FAM168B: variants seen among roughly 807,000 people sequenced by gnomAD.
The protein encoded by FAM168B is myelin-associated neurite-outgrowth inhibitor.
Under a neutral mutation model 21.8 loss-of-function variants are expected in FAM168B, and 19 were observed. The ratio of observed to expected loss-of-function variants is 0.87; its 90% CI spans 0.61 to 1.28. FAM168B has a LOEUF of 1.28. Ranked by LOEUF, FAM168B falls within the 50% of genes most tolerant of loss-of-function variation. The pLI is 0.00. For missense variants in FAM168B, 233 were observed against 263.1 expected (o/e 0.89, Z 0.79); for synonymous variants, 126 against 104.8 (o/e 1.20, Z -1.24).
In FAM168B at chr2:131,048,514, T is replaced by C. The variant is rs897726349; in HGVS notation, c.*3951A>G. The C allele has an allele frequency of 1.8e-6, 2 of 1,105,732 alleles. No homozygotes were observed. Among genetic ancestry groups the C allele is most frequent in the Non-Finnish European group, 2.2e-6 (2 of 888,936 alleles). 68.5% of individuals were successfully genotyped at this position (1,105,732 alleles called of 1,614,324 possible). A position where few individuals can be genotyped will look rare whatever the true frequency, so the allele number is the denominator to read the frequency against. ...AAGGCTATCCCCACAGGCTCTCTCT[T>C]CTTCAAATAATGAGTAGGAAAAAGA... is the stretch of plus-strand genomic sequence containing the variant. On this transcript the variant is annotated 3_prime_UTR_variant, in exon 7 of 7. Transcript: ENST00000389915.
intron 1 of FAM168B, among the ~76,000 whole-genome samples, chr2:131,089,386 A>G (rs1693890904): frequency 6.6e-6 from 1 of 152,132 alleles, no homozygotes; most frequent in African/African-American, 2.4e-5. Context: ...GATGACAGCA[A>G]AAATTCCTAA....
At chr2:131,080,865 G>A (rs1482487143) in intron 2 of FAM168B, among the ~76,000 whole-genome samples, 2 of 151,554 alleles carry the variant, frequency 1.3e-5, no homozygotes, top group Non-Finnish European at 2.9e-5. Flanking sequence ...GTAGAGACGG[G>A]GTTTCAGTGT....
Position 131,050,404 on chromosome 2 carries a change from C to A in FAM168B, c.*2061G>T. On this transcript the variant is annotated 3_prime_UTR_variant, in exon 7 of 7. Coordinates refer to ENST00000389915, the MANE Select transcript of FAM168B (RefSeq NM_001009993.4). The stretch of plus-strand genomic sequence containing the variant: ...GAACCCCTGGAACCGTTAGAACCTA[C>A]TAATCCTGCCAACCATCCACTAAAC... The A allele has an allele frequency of 1.0e-6, 1 of 985,802 alleles. No homozygotes were observed. The allele number at this position is 985,802 out of a possible 1,614,324, so 61.1% of individuals were successfully genotyped here. A position where few individuals can be genotyped will look rare whatever the true frequency, so the allele number is the denominator to read the frequency against.
Position 131,048,937 on chromosome 2 carries a change from A to T in FAM168B, c.*3528T>A. 1 of 985,930 alleles carries T rather than the reference A, an allele frequency of 1.0e-6. No homozygotes were observed. Among genetic ancestry groups the T allele is most frequent in the Non-Finnish European group, 1.2e-6 (1 of 830,020 alleles). The allele number at this position is 985,930 out of a possible 1,614,324, so 61.1% of individuals were successfully genotyped here. Reference sequence around the variant, plus strand: ...GACACATCCAACAGTCAGCTGTCGGATAAGGTGAAGGTGGCCCAACTGCTC... The same window carrying T: ...GACACATCCAACAGTCAGCTGTCGGTTAAGGTGAAGGTGGCCCAACTGCTC... On this transcript the variant is annotated 3_prime_UTR_variant, in exon 7 of 7. Transcript: ENST00000389915.
intron 3 of FAM168B, among the ~76,000 whole-genome samples, chr2:131,064,087 C>T (rs1360362284): frequency 1.3e-5 from 2 of 152,126 alleles, no homozygotes; most frequent in African/African-American, 2.4e-5. Flanking sequence ...GCAACCCAGG[C>T]GGCGCAGACA....
At chr2:131,066,111 T>C (rs958059999) in intron 3 of FAM168B, among the ~76,000 whole-genome samples, 2 of 151,716 alleles carry the variant, frequency 1.3e-5, no homozygotes, top group African/African-American at 4.8e-5. Flanking sequence ...TACACACCAA[T>C]GACCATGGAA....
rs183382095 is a variant in FAM168B at position 131,090,222 on chromosome 2, G to C, written c.-12+2992C>G. Reference sequence around the variant, plus strand: ...TGTACCCAGCTACTCAGGAGGCTGAGGCTGGAGAATGGCGTGAACCCAGGA... The same window carrying C: ...TGTACCCAGCTACTCAGGAGGCTGACGCTGGAGAATGGCGTGAACCCAGGA... On this transcript the variant is annotated intron_variant, in intron 1 of 6. Coordinates refer to ENST00000389915, the MANE Select transcript of FAM168B (RefSeq NM_001009993.4). Among the ~76,000 whole-genome samples the C allele has an allele frequency of 6.6e-3, 984 of 149,816 alleles. 8 individuals are homozygous for C. The highest frequency in any genetic ancestry group is 9.1e-3 in the Non-Finnish European group (613 of 67,666).
chr2:131,059,765 C>A (rs1692200462), intron 3 of FAM168B, among the ~76,000 whole-genome samples: 1 of 152,124 alleles, frequency 6.6e-6, no homozygotes, highest in African/African-American at 2.4e-5. Context: ...GAAATATGAA[C>A]ACTGATTACA....
rs548383585 is a variant in FAM168B, at chr2:131,081,598, G to C, written c.70+979C>G. On this transcript the variant is annotated intron_variant, in intron 2 of 6. Coordinates refer to ENST00000389915, the MANE Select transcript of FAM168B (RefSeq NM_001009993.4). ...TCCTTATGGGGCCACTGGACGACTA[G>C]ACTGTTTAGTCTATCTCTTTGCTGA... Among the ~76,000 whole-genome samples, 6 of 152,308 alleles carry C rather than the reference G, an allele frequency of 3.9e-5. No homozygotes were observed. The South Asian group carries it at 1.2e-3, about 32-fold the overall frequency.
intron 2 of FAM168B, among the ~76,000 whole-genome samples, chr2:131,075,941 C>A (rs1446102053): frequency 6.6e-6 from 1 of 152,208 alleles, no homozygotes; most frequent in East Asian, 1.9e-4. Context: ...TCCTAGACAG[C>A]CTCTGCTGCT....
chr2:131,048,697 G>C lies in FAM168B; in HGVS notation c.*3768C>G. 10 of 989,196 alleles carry C rather than the reference G, an allele frequency of 1.0e-5. No individual in the cohort carries two copies. Among genetic ancestry groups the C allele is most frequent in the Non-Finnish European group, 1.2e-5 (10 of 832,128 alleles). 61.3% of individuals were successfully genotyped at this position (989,196 alleles called of 1,614,324 possible). ...GAGTCTGCTGCCCTTCAGAAAGCCA[G>C]AGGGAACACTCACAAATGCAGAGGT... On this transcript the variant is annotated 3_prime_UTR_variant, in exon 7 of 7. Coordinates refer to ENST00000389915, the MANE Select transcript of FAM168B (RefSeq NM_001009993.4).
intron 1 of FAM168B, among the ~76,000 whole-genome samples, chr2:131,090,183 C>G (rs1436701407): frequency 1.4e-5 from 2 of 147,258 alleles, no homozygotes; most frequent in Non-Finnish European, 3.0e-5. Flanking sequence ...TATCCAGGCA[C>G]GGTGGCAGGC....
chr2:131,085,970 A>G (rs190659846), intron 1 of FAM168B, among the ~76,000 whole-genome samples: 2 of 152,324 alleles, frequency 1.3e-5, no homozygotes, highest in Admixed American at 6.5e-5. Context: ...ACATGTGGCT[A>G]GTGGTTACTA....
chr2:131,067,725 A>T (rs1425424169), intron 3 of FAM168B, among the ~76,000 whole-genome samples: 3 of 149,126 alleles, frequency 2.0e-5, no homozygotes, highest in Non-Finnish European at 3.0e-5. Context: ...TATCACACTC[A>T]CACACACACA....
In FAM168B at chr2:131,059,325, G is replaced by A. The variant is rs565391936; in HGVS notation, c.155-3630C>T. ...CAGGTGGGGCAAGGATGTCTCAAAT[G>A]AAAGAAACTGTGGGGATGAGGGACG... On this transcript the variant is annotated intron_variant, in intron 3 of 6. Coordinates refer to ENST00000389915, the MANE Select transcript of FAM168B (RefSeq NM_001009993.4). Among the ~76,000 whole-genome samples the A allele has an allele frequency of 5.9e-5, 9 of 152,274 alleles. No homozygotes were observed. In the South Asian group the frequency reaches 1.9e-3, roughly 32 times the overall value.
At position 131,052,339 on chromosome 2, in the gene FAM168B, G is replaced by C. The variant is rs1481910625; in HGVS notation, c.*126C>G. ...GGGCCTGCTGGGCCGGGATATAGTCGTGTTTAGCTAAGTGTCGAGAGCATT... is the reference window on the plus strand; with the variant it reads ...GGGCCTGCTGGGCCGGGATATAGTCCTGTTTAGCTAAGTGTCGAGAGCATT... On this transcript the variant is annotated 3_prime_UTR_variant, in exon 7 of 7. Transcript: ENST00000389915. The C allele has an allele frequency of 2.0e-6, 2 of 986,158 alleles. No homozygotes were observed. Among genetic ancestry groups the C allele is most frequent in the Non-Finnish European group, 2.4e-6 (2 of 830,156 alleles). 61.1% of individuals were successfully genotyped at this position (986,158 alleles called of 1,614,324 possible). A position where few individuals can be genotyped will look rare whatever the true frequency, so the allele number is the denominator to read the frequency against.
At chr2:131,083,526 G>A (rs374919716) in intron 1 of FAM168B, among the ~76,000 whole-genome samples, 2 of 152,172 alleles carry the variant, frequency 1.3e-5, no homozygotes, top group Non-Finnish European at 2.9e-5. Context: ...GGACAACAGA[G>A]CGAGACTTTG....
rs1170881014 is a variant in FAM168B at position 131,048,178 on chromosome 2, A to T, written c.*4287T>A. On this transcript the variant is annotated 3_prime_UTR_variant, in exon 7 of 7. Transcript: ENST00000389915. ...AAAACGGTATTTAAAAATCATTTTT[A>T]AAAAAACAAAAAGGAACCGTTTCTT... 2.0e-5 allele frequency: 25 copies of T among 1,248,994 alleles called. No individual in the cohort carries two copies. The highest frequency in any genetic ancestry group is 5.9e-5 in the Admixed American group (2 of 33,754). 77.4% of individuals were successfully genotyped at this position (1,248,994 alleles called of 1,614,324 possible). A position where few individuals can be genotyped will look rare whatever the true frequency, so the allele number is the denominator to read the frequency against.
At chr2:131,073,590 C>T (rs532773134) in intron 2 of FAM168B, among the ~76,000 whole-genome samples, 6 of 152,302 alleles carry the variant, frequency 3.9e-5, no homozygotes, top group Admixed American at 6.5e-5. Context: ...CTGACGCACT[C>T]GCTGCCCTTC....
Sources: gnomAD v4.1 joint callset for allele counts (sites outside exome capture counted in the v4.1 genomes callset) on GRCh38, gnomAD v4.1.1 for gene constraint, MANE v1.5 for transcripts, NCBI Gene and HGNC (gene_info 2026-07-23, HGNC 2026-07-21) for gene names.